Variants in DCLK2 observed in about 807,000 individuals in gnomAD.
DCLK2 encodes serine/threonine-protein kinase DCLK2.
DCLK2 carries 31 observed loss-of-function variants against 78.4 expected under a neutral mutation model. That is an observed-to-expected ratio of 0.40 (90% confidence interval 0.30 to 0.53). The LOEUF (loss-of-function observed/expected upper bound fraction) is 0.53, where lower values mean the gene tolerates loss of function less well. Ranked by LOEUF, DCLK2 falls within the 20% of genes least tolerant of loss-of-function variation. The probability of loss-of-function intolerance (pLI) is 0.61; values close to 1 mark genes in which losing one functional copy is unlikely to be tolerated. For synonymous variants in DCLK2, 407 were observed against 374.9 expected, an observed-to-expected ratio of 1.09 and a Z score of -0.99; for missense variants, 872 against 973.7, an observed-to-expected ratio of 0.90 and a Z score of 1.39.
rs545448748 is a variant in DCLK2 at position 150,093,195 on chromosome 4, C to G, written c.422-9283C>G. ...TATGATAGCATTACAAAATTAAATA[C>G]TCAGGAAAATTAAGGAGGTGAAAGC... On this transcript the variant is annotated intron_variant, in intron 1 of 15. Coordinates refer to ENST00000296550, the MANE Select transcript of DCLK2 (RefSeq NM_001040260.4). 6.2e-4 allele frequency among the ~76,000 whole-genome samples: 94 copies of G among 152,092 alleles called. 1 individual carries two copies. The South Asian group carries it at 0.017, about 28-fold the overall frequency.
chr4:150,194,481 CAATATATGG>C (rs766549419), intron 3 of DCLK2, among the ~76,000 whole-genome samples: 128 of 152,130 alleles, frequency 8.4e-4, no homozygotes, highest in Non-Finnish European at 1.6e-3. Flanking sequence ...TAACTTTTGC[CAATATATGG>C]CATTTTCAAG....
chr4:150,200,344 A>G (rs913164904), intron 4 of DCLK2, among the ~76,000 whole-genome samples: 2 of 152,224 alleles, frequency 1.3e-5, no homozygotes, highest in South Asian at 2.1e-4. Flanking sequence ...TTAAAACCAC[A>G]TTTTAGAGAG....
chr4:150,247,812 T>C (rs149879971), intron 13 of DCLK2, 113 bp downstream of exon 13: 21 of 777,838 alleles, frequency 2.7e-5, no homozygotes, highest in Non-Finnish European at 4.1e-5. Context: ...TGGCTTTTAA[T>C]GTGTGGTTCT....
chr4:150,107,722 T>C (rs192857360), intron 2 of DCLK2, among the ~76,000 whole-genome samples: 18 of 152,248 alleles, frequency 1.2e-4, no homozygotes, highest in African/African-American at 4.1e-4. Context: ...TTTGTCTTCA[T>C]TGTGTGAGGC....
At chr4:150,106,558 C>T (rs567857494) in intron 2 of DCLK2, among the ~76,000 whole-genome samples, 2 of 152,202 alleles carry the variant, frequency 1.3e-5, no homozygotes, top group African/African-American at 4.8e-5. Context: ...CTGGTTGCTT[C>T]CTACCCAGAT....
At chr4:150,250,953 T>C (rs182063198) in intron 15 of DCLK2, among the ~76,000 whole-genome samples, 452 of 1,232 alleles carry the variant, frequency 0.37, 152 homozygotes, top group South Asian at 0.7. Context: ...CACACATCCC[T>C]CACACCCCCC....
chr4:150,216,192 A>G (rs1441688082), intron 5 of DCLK2, among the ~76,000 whole-genome samples: 1 of 152,264 alleles, frequency 6.6e-6, no homozygotes, highest in Non-Finnish European at 1.5e-5. Flanking sequence ...AGTTTACCAT[A>G]GGACCCTCTG....
chr4:150,232,631 C>T (rs753951079), intron 9 of DCLK2, 51 bp from the exon 10 acceptor site: 11 of 1,590,078 alleles, frequency 6.9e-6, no homozygotes, highest in Non-Finnish European at 8.6e-6. Context: ...TTCTTACCTT[C>T]ATAGGATTGC....
chr4:150,081,845 A>G (rs1324749818), intron 1 of DCLK2, among the ~76,000 whole-genome samples: 2 of 122,406 alleles, frequency 1.6e-5, no homozygotes, highest in Admixed American at 1.6e-4. Flanking sequence ...AAAAAAAAAA[A>G]AAATTAGCCG....
At chr4:150,088,453 TTTTTTTC>T (rs1046290585) in intron 1 of DCLK2, among the ~76,000 whole-genome samples, 4 of 152,070 alleles carry the variant, frequency 2.6e-5, no homozygotes, top group African/African-American at 9.6e-5. Context: ...AGCCTTCAGA[TTTTTTTC>T]TTTTTTCTTT....
intron 2 of DCLK2, among the ~76,000 whole-genome samples, chr4:150,166,310 C>T (rs548645995): frequency 9.4e-4 from 143 of 151,966 alleles, no homozygotes; most frequent in African/African-American, 3.2e-3. Context: ...AGCAACATAG[C>T]GGGACCCCAT....
At chr4:150,145,996 A>G (rs1164271589) in intron 2 of DCLK2, among the ~76,000 whole-genome samples, 1 of 152,208 alleles carries the variant, frequency 6.6e-6, no homozygotes, top group African/African-American at 2.4e-5. Flanking sequence ...ATTTATTCAA[A>G]TAATATTTGG....
At chr4:150,216,523 C>CA (rs1454897679) in intron 5 of DCLK2, among the ~76,000 whole-genome samples, 2 of 152,140 alleles carry the variant, frequency 1.3e-5, no homozygotes, top group Admixed American at 6.5e-5. Flanking sequence ...CTTGTAATCT[C>CA]AGCTACCCAG....
chr4:150,189,714 G>A (rs144286182), intron 2 of DCLK2, among the ~76,000 whole-genome samples: 4,019 of 152,122 alleles, frequency 0.026, 78 homozygotes, highest in Non-Finnish European at 0.038. Flanking sequence ...TAATGTAGCC[G>A]TTGTACCACT....
chr4:150,247,838 C>G, intron 13 of DCLK2, 139 bp downstream of exon 13: 1 of 667,486 alleles, frequency 1.5e-6, no homozygotes. Flanking sequence ...TAAGTTTATC[C>G]CATGGTATGG....
intron 2 of DCLK2, among the ~76,000 whole-genome samples, chr4:150,171,670 G>A (rs537338583): frequency 5.2e-4 from 79 of 152,326 alleles, no homozygotes; most frequent in African/African-American, 1.8e-3. Context: ...CAACCTTGAG[G>A]TAGCAGAACT....
At chr4:150,232,296 C>T (rs1223544126) in intron 8 of DCLK2, 41 bp from the exon 9 acceptor site, 2 of 1,601,394 alleles carry the variant, frequency 1.2e-6, no homozygotes, top group Non-Finnish European at 1.7e-6. Context: ...GCAGAGGGTT[C>T]TGTGATTTCT....
At chr4:150,143,510 A>T (rs914532403) in intron 2 of DCLK2, among the ~76,000 whole-genome samples, 1 of 152,172 alleles carries the variant, frequency 6.6e-6, no homozygotes, top group South Asian at 2.1e-4. Flanking sequence ...CCAAATAAAC[A>T]TGTAAATGCA....
At chr4:150,118,102 C>T (rs1366544361) in intron 2 of DCLK2, among the ~76,000 whole-genome samples, 1 of 152,166 alleles carries the variant, frequency 6.6e-6, no homozygotes, top group African/African-American at 2.4e-5. Context: ...GGACCCTACA[C>T]TCTTCCTGGC....
Sources: gnomAD v4.1 joint callset for allele counts (sites outside exome capture counted in the v4.1 genomes callset) on GRCh38, gnomAD v4.1.1 for gene constraint, MANE v1.5 for transcripts, NCBI Gene and HGNC (gene_info 2026-07-23, HGNC 2026-07-21) for gene names.